Variants in PTPRD observed in about 807,000 individuals in gnomAD.
The protein encoded by PTPRD is protein tyrosine phosphatase receptor type D, also known as receptor-type tyrosine-protein phosphatase delta.
A neutral mutation model predicts 214.5 loss-of-function variants in PTPRD; 34 were observed. The observed-to-expected ratio is 0.16, with a 90% CI of 0.12 to 0.21. The LOEUF (loss-of-function observed/expected upper bound fraction) is 0.21. Among genes scored for constraint, PTPRD ranks in the 10% least tolerant of loss-of-function variants. The pLI is 1.00. For missense variants in PTPRD, 2,545 were observed against 2,398.7 expected (o/e 1.06, Z -1.27); for synonymous variants, 1,128 against 845.7 (o/e 1.33, Z -5.79).
chr9:10,438,864 A>T (rs2098740057), intron 2 of PTPRD, among the ~76,000 whole-genome samples: 1 of 151,710 alleles, frequency 6.6e-6, no homozygotes, highest in African/African-American at 2.4e-5. Flanking sequence ...CTGCTATTTC[A>T]TGACCATAGT....
chr9:9,383,268 A>G (rs1485302327), intron 9 of PTPRD, among the ~76,000 whole-genome samples: 1 of 152,088 alleles, frequency 6.6e-6, no homozygotes, highest in East Asian at 1.9e-4. Flanking sequence ...TTTTTCTCAT[A>G]CTATCCAATG....
At chr9:8,457,748 T>C (rs1334805144) in intron 33 of PTPRD, among the ~76,000 whole-genome samples, 1 of 152,136 alleles carries the variant, frequency 6.6e-6, no homozygotes, top group Non-Finnish European at 1.5e-5. Context: ...TCTCATTCTC[T>C]TCTCAAAGCA....
At chr9:8,934,429 A>G (rs1462611616) in intron 11 of PTPRD, among the ~76,000 whole-genome samples, 1,121 of 53,658 alleles carry the variant, frequency 0.021, 60 homozygotes, top group African/African-American at 0.038. Flanking sequence ...GTGTATATAT[A>G]TATATAAATA....
At chr9:8,628,186 T>C (rs1391607660) in intron 14 of PTPRD, among the ~76,000 whole-genome samples, 2 of 151,796 alleles carry the variant, frequency 1.3e-5, no homozygotes, top group Admixed American at 6.6e-5. Context: ...CAAAGTACCA[T>C]TTTCACAGCG....
intron 8 of PTPRD, among the ~76,000 whole-genome samples, chr9:9,547,338 T>C (rs1483620137): frequency 6.6e-6 from 1 of 152,102 alleles, no homozygotes; most frequent in Non-Finnish European, 1.5e-5. Flanking sequence ...TACTTCCAAA[T>C]AAACATCTTT....
rs79466211 is a variant in PTPRD at position 9,192,468 on chromosome 9, G to A, written c.-202-9105C>T. Among the ~76,000 whole-genome samples the A allele has an allele frequency of 1.4e-3, 211 of 152,198 alleles. 7 individuals carry two copies. In the East Asian group the frequency reaches 0.036, roughly 26 times the overall value. On this transcript the variant is annotated intron_variant, in intron 9 of 45. Coordinates refer to ENST00000381196, the MANE Select transcript of PTPRD (RefSeq NM_002839.4). Reference sequence around the variant, plus strand: ...TGATTATAATTGTTTTTACATGTTTGAAGTCAGCCTGGTTTTAATCCCAAC... The same window carrying A: ...TGATTATAATTGTTTTTACATGTTTAAAGTCAGCCTGGTTTTAATCCCAAC...
chr9:9,256,226 TG>T lies in PTPRD; in HGVS notation c.-202-72864del, dbSNP rs1251962981. 2.6e-5 allele frequency among the ~76,000 whole-genome samples: 4 copies of T among 152,148 alleles called. No homozygotes were observed. In the East Asian group the frequency reaches 5.9e-4, roughly 22 times the overall value. ...CAAAGAAGAGTGACAATGACATTGC[TG>T]GCCTTTGAAATTATAAAGGAAAGAT... On this transcript the variant is annotated intron_variant, in intron 9 of 45. Transcript: ENST00000381196.
At chr9:9,356,659 A>G (rs951385540) in intron 9 of PTPRD, among the ~76,000 whole-genome samples, 10 of 151,508 alleles carry the variant, frequency 6.6e-5, no homozygotes, top group Non-Finnish European at 1.5e-4. Flanking sequence ...GTTTATCAGA[A>G]GCTGCATCTT....
rs188267945 is a variant in PTPRD, at chr9:8,799,961, G to T, written c.-103-66015C>A. Among the ~76,000 whole-genome samples the T allele has an allele frequency of 2.6e-5, 4 of 151,964 alleles. No individual in the cohort carries two copies. The East Asian group carries it at 7.8e-4, about 30-fold the overall frequency. ...GGCAAATACCAGTAAGATTCTGTTA[G>T]AAATAATAAATATAGTGCTGCCACC... On this transcript the variant is annotated intron_variant, in intron 11 of 45. Coordinates refer to ENST00000381196, the MANE Select transcript of PTPRD (RefSeq NM_002839.4).
At chr9:9,808,020 T>C (rs2045967079) in intron 5 of PTPRD, among the ~76,000 whole-genome samples, 1 of 152,210 alleles carries the variant, frequency 6.6e-6, no homozygotes, top group African/African-American at 2.4e-5. Context: ...CCCTTTTGTT[T>C]TTCTAAATGA....
chr9:9,277,417 A>G (rs563603092), intron 9 of PTPRD, among the ~76,000 whole-genome samples: 8 of 151,378 alleles, frequency 5.3e-5, no homozygotes, highest in Non-Finnish European at 1.0e-4. Flanking sequence ...GAAATGGATA[A>G]TCACAATTTT....
At chr9:10,547,857 A>G (rs75856780) in intron 2 of PTPRD, among the ~76,000 whole-genome samples, 10,599 of 152,160 alleles carry the variant, frequency 0.07, 389 homozygotes, top group South Asian at 0.096. Flanking sequence ...TTGGTGCTAT[A>G]TGAGGAATAA....
intron 5 of PTPRD, among the ~76,000 whole-genome samples, chr9:9,806,241 C>T (rs1478498425): frequency 6.6e-6 from 1 of 151,842 alleles, no homozygotes; most frequent in African/African-American, 2.4e-5. Flanking sequence ...ATCACACTGT[C>T]TCTCTAAAAT....
intron 8 of PTPRD, among the ~76,000 whole-genome samples, chr9:9,559,977 G>A (rs1569569272): frequency 1.3e-5 from 2 of 152,320 alleles, no homozygotes; most frequent in East Asian, 1.9e-4. Flanking sequence ...AGAGACCAGT[G>A]GATTGCCAAG....
Position 8,540,095 on chromosome 9 carries a change from A to C in PTPRD, c.353-11316T>G, listed in dbSNP as rs1043450037. 2.0e-5 allele frequency among the ~76,000 whole-genome samples: 3 copies of C among 152,268 alleles called. No individual in the cohort carries two copies. In the South Asian group the frequency reaches 6.2e-4, roughly 32 times the overall value. On this transcript the variant is annotated intron_variant, in intron 14 of 45. Transcript: ENST00000381196. Reference sequence around the variant, plus strand: ...TTAACTCTCTAACAGTTCAGGAATAATAAGTTCTTTGTACTGTAGTTTCTA... The same window carrying C: ...TTAACTCTCTAACAGTTCAGGAATACTAAGTTCTTTGTACTGTAGTTTCTA...
intron 7 of PTPRD, among the ~76,000 whole-genome samples, chr9:9,645,374 T>A (rs946371186): frequency 1.3e-5 from 2 of 151,920 alleles, no homozygotes; most frequent in Admixed American, 6.6e-5. Flanking sequence ...ACTCCCAATT[T>A]TTTTGTTTGT....
chr9:10,498,069 A>C (rs1054427615), intron 2 of PTPRD, among the ~76,000 whole-genome samples: 3 of 152,022 alleles, frequency 2.0e-5, no homozygotes, highest in African/African-American at 7.2e-5. Flanking sequence ...TTTATAATCT[A>C]TTTGAACCAA....
At chr9:9,219,287 A>G (rs1004293562) in intron 9 of PTPRD, among the ~76,000 whole-genome samples, 2 of 152,136 alleles carry the variant, frequency 1.3e-5, no homozygotes, top group Non-Finnish European at 2.9e-5. Flanking sequence ...ACATAGTACA[A>G]TTGATTTTGT....
intron 8 of PTPRD, among the ~76,000 whole-genome samples, chr9:9,451,459 A>G (rs543259352): frequency 5.3e-5 from 8 of 151,772 alleles, no homozygotes; most frequent in Non-Finnish European, 1.0e-4. Flanking sequence ...TAAAAGCACC[A>G]TGAGAAGAAT....
Sources: allele counts gnomAD v4.1 joint callset (sites outside exome capture counted in the v4.1 genomes callset), GRCh38; gene constraint gnomAD v4.1.1; transcripts MANE v1.5; gene names NCBI Gene and HGNC (gene_info 2026-07-23, HGNC 2026-07-21).